The following UQCRC1 variants were observed in gnomAD, a reference collection of about 807,000 sequenced individuals.
UQCRC1 encodes ubiquinol-cytochrome c reductase core protein 1.
Under a neutral mutation model 58.0 loss-of-function variants are expected in UQCRC1, and 34 were observed. That is an observed-to-expected ratio of 0.59 (90% confidence interval 0.45 to 0.78). The LOEUF is 0.78. Ranked by LOEUF, UQCRC1 falls within the 30% of genes least tolerant of loss-of-function variation. The probability of loss-of-function intolerance (pLI) is 0.00; values close to 1 mark genes in which losing one functional copy is unlikely to be tolerated. For missense variants in UQCRC1, 610 were observed against 646.0 expected (o/e 0.94, Z 0.60); for synonymous variants, 276 against 248.8 (o/e 1.11, Z -1.03).
intron 6 of UQCRC1, among the ~76,000 whole-genome samples, 164 bp downstream of exon 6, chr3:48,603,400 A>G (rs191836583): frequency 2.6e-5 from 4 of 152,206 alleles, no homozygotes; most frequent in Admixed American, 2.6e-4. Context: ...GTAGAATCCT[A>G]TCCCACCTCA....
At chr3:48,607,829 C>CTT (rs111580530) in intron 2 of UQCRC1, among the ~76,000 whole-genome samples, 37 of 143,922 alleles carry the variant, frequency 2.6e-4, no homozygotes, top group African/African-American at 9.1e-4. Context: ...TAAGTAATTT[C>CTT]TTTTTTTTTT....
In UQCRC1 at chr3:48,604,681, T is replaced by C. The variant is rs759802581; in HGVS notation, c.397A>G (p.Ile133Val). ...YSTREHTAYY[I>V]KALSKDLPKA... ...GGCAGATCCTTGGACAGCGCCTTGATGTAGTAAGCTGTGTGCTCCCGGGTG... is the reference window on the plus strand; with the variant it reads ...GGCAGATCCTTGGACAGCGCCTTGACGTAGTAAGCTGTGTGCTCCCGGGTG... The change falls in exon 4 of 13, where the codon ATC becomes GTC. Residue 133 changes from isoleucine to valine, a missense_variant. Physicochemically the swap from Ile to Val is conservative, Grantham distance 29. Coordinates refer to ENST00000203407, the MANE Select transcript of UQCRC1 (RefSeq NM_003365.3). 2 of 1,614,184 alleles carry C rather than the reference T, an allele frequency of 1.2e-6. No individual in the cohort carries two copies. Among genetic ancestry groups the C allele is most frequent in the Admixed American group, 1.7e-5 (1 of 60,026 alleles).
rs1167638509 is a variant in UQCRC1, at chr3:48,604,709, G to A, written c.369C>T (p.Tyr123=). ...AGTAAGCTGTGTGCTCCCGGGTGCTGTAGGCATTAAGATGGGCCCCCATGC... is the reference window on the plus strand; with the variant it reads ...AGTAAGCTGTGTGCTCCCGGGTGCTATAGGCATTAAGATGGGCCCCCATGC... ...VESMGAHLNA[Y]STREHTAYYI... Residue 123 remains tyrosine (Y), a synonymous_variant, in exon 4 of 13, where the codon TAC becomes TAT. Coordinates refer to ENST00000203407, the MANE Select transcript of UQCRC1 (RefSeq NM_003365.3). The A allele has an allele frequency of 3.7e-6, 6 of 1,614,180 alleles. No homozygotes were observed. In the South Asian group the frequency reaches 5.5e-5, roughly 15 times the overall value.
chr3:48,604,502 G>A, intron 4 of UQCRC1, 71 bp from the exon 5 acceptor site: 1 of 1,591,310 alleles, frequency 6.3e-7, no homozygotes, highest in Non-Finnish European at 8.6e-7. Context: ...AAAATCCCCA[G>A]GCCTGGCATC....
chr3:48,599,570 G>T, intron 12 of UQCRC1, 65 bp downstream of exon 12: 1 of 1,564,990 alleles, frequency 6.4e-7, no homozygotes, highest in Non-Finnish European at 8.8e-7. Context: ...GAGCAGAGGT[G>T]GAAGGGGAGG....
chr3:48,599,477 C>T, intron 12 of UQCRC1, 158 bp downstream of exon 12: 1 of 814,004 alleles, frequency 1.2e-6, no homozygotes, highest in Non-Finnish European at 1.9e-6. Flanking sequence ...GTTTTCTGAG[C>T]AAGAACTCCC....
rs775201838 is a variant in UQCRC1 at position 48,604,747 on chromosome 3, TCTCCAGGGCA to T, written c.321_330del (p.Ser107ArgfsTer58). 1.2e-6 allele frequency: 2 copies of T among 1,613,994 alleles called. No homozygotes were observed. The highest frequency in any genetic ancestry group is 1.7e-6 in the Non-Finnish European group (2 of 1,179,962). ...TGGGCCCCCATGCTCTCCACCTCCTTCTCCAGGGCACTGCCAGGCCGATTCTTTGTTCCCT... is the reference window on the plus strand; with the variant it reads ...TGGGCCCCCATGCTCTCCACCTCCTTCTGCCAGGCCGATTCTTTGTTCCCT... On this transcript the variant is annotated frameshift_variant, in exon 4 of 13. Transcript: ENST00000203407. LOFTEE classifies it high-confidence loss of function.
intron 7 of UQCRC1, 72 bp from the exon 8 acceptor site, chr3:48,601,190 T>G: frequency 2.6e-6 from 4 of 1,555,614 alleles, no homozygotes; most frequent in Middle Eastern, 2.2e-4. Context: ...CAGGTGTGGG[T>G]AGAGGGTGTA....
intron 12 of UQCRC1, 30 bp downstream of exon 12, chr3:48,599,605 A>C: frequency 1.2e-6 from 2 of 1,612,232 alleles, no homozygotes; most frequent in Non-Finnish European, 1.7e-6. Context: ...TGAGGAAATA[A>C]ACAAAGAGCA....
At chr3:48,608,777 G>T (rs920667352) in intron 2 of UQCRC1, among the ~76,000 whole-genome samples, 1 of 152,124 alleles carries the variant, frequency 6.6e-6, no homozygotes, top group Non-Finnish European at 1.5e-5. Context: ...TTCTGGTCTA[G>T]CCTGGAGATT....
chr3:48,599,182 C>T lies in UQCRC1; in HGVS notation c.1389G>A (p.Glu463=), dbSNP rs1575511184. Reference sequence around the variant, plus strand: ...GGATCCGGTTGTAGTCTGGGAGCTGCTCAATGGGGCCTGTGGGGATAGGGT... The same window carrying T: ...GGATCCGGTTGTAGTCTGGGAGCTGTTCAATGGGGCCTGTGGGGATAGGGT... The part of the protein sequence containing the change: ...CPAVAGYGPI[E]QLPDYNRIRS... Residue 463 remains glutamate, a synonymous_variant, in exon 13 of 13, where the codon GAG becomes GAA. Coordinates refer to ENST00000203407, the MANE Select transcript of UQCRC1 (RefSeq NM_003365.3). 6.2e-7 allele frequency: 1 copy of T among 1,607,836 alleles called. No homozygotes were observed. Among genetic ancestry groups the T allele is most frequent in the Non-Finnish European group, 8.5e-7 (1 of 1,176,202 alleles).
At chr3:48,608,404 A>G (rs9830581) in intron 2 of UQCRC1, among the ~76,000 whole-genome samples, 11,472 of 152,274 alleles carry the variant, frequency 0.075, 704 homozygotes, top group African/African-American at 0.17. Context: ...TTTCTCTGGC[A>G]CTGGAGCACA....
Position 48,609,229 on chromosome 3 carries a change from G to A in UQCRC1, c.143C>T (p.Thr48Met). 1.2e-6 allele frequency: 2 copies of A among 1,613,076 alleles called. No homozygotes were observed. The highest frequency in any genetic ancestry group is 8.5e-7 in the Non-Finnish European group (1 of 1,179,826). Residue 48 changes from threonine to methionine, a missense_variant, in exon 2 of 13, where the codon ACG becomes ATG. By Grantham distance (81) the Thr-to-Met change is moderately conservative. Coordinates refer to ENST00000203407, the MANE Select transcript of UQCRC1 (RefSeq NM_003365.3). ...FAQALQFVPETQVSLLDNGLR... is the reference protein window; with the variant it reads ...FAQALQFVPEMQVSLLDNGLR... ...GCCGTTGTCCAGCAGGCTAACCTGC[G>A]TCTCCGGCACGAACTGGAGCGCCTG...
chr3:48,603,653 A>G lies in UQCRC1; in HGVS notation c.627-10T>C, dbSNP rs1418947915. 6 of 1,613,294 alleles carry G rather than the reference A, an allele frequency of 3.7e-6. No homozygotes were observed. Among genetic ancestry groups the G allele is most frequent in the South Asian group, 3.3e-5 (3 of 90,890 alleles). On this transcript the variant is annotated splice_polypyrimidine_tract_variant and intron_variant, in intron 5 of 12. Transcript: ENST00000203407. Reference sequence around the variant, plus strand: ...TGCACGAGACAGCTTCCTACAAGACATATGGTCAGTGTGTCAACACCTCTA... The same window carrying G: ...TGCACGAGACAGCTTCCTACAAGACGTATGGTCAGTGTGTCAACACCTCTA...
intron 5 of UQCRC1, chr3:48,604,009 G>C (rs961599779): frequency 1.2e-5 from 7 of 605,656 alleles, no homozygotes; most frequent in African/African-American, 1.1e-4. Flanking sequence ...TGGACTGTCA[G>C]GACATGCACC....
Position 48,600,755 on chromosome 3 carries a change from G to C in UQCRC1, c.1052C>G (p.Thr351Arg), listed in dbSNP as rs775391935. Residue 351 changes from threonine (T) to arginine (R), a missense_variant, in exon 9 of 13, where the codon ACG (threonine) becomes AGG (arginine). Transcript: ENST00000203407. The part of the protein sequence containing the change: ...FQTFSICYAE[T>R]GLLGAHFVCD... ...GACAAAGTGTGCACCCAGCAAGCCC[G>C]TCTCTGCATAGCAGATGCTGAAGGT... 3 of 1,614,036 alleles carry C rather than the reference G, an allele frequency of 1.9e-6. No homozygotes were observed. Among genetic ancestry groups the C allele is most frequent in the African/African-American group, 2.7e-5 (2 of 74,928 alleles).
rs2046365129 is a variant in UQCRC1, at chr3:48,601,473, GAGAC to G, written c.707-10_707-7del. 2 of 1,613,108 alleles carry G rather than the reference GAGAC, an allele frequency of 1.2e-6. No homozygotes were observed. Among genetic ancestry groups the G allele is most frequent in the Middle Eastern group, 1.6e-4 (1 of 6,080 alleles). On this transcript the variant is annotated splice_region_variant and splice_polypyrimidine_tract_variant and intron_variant, in intron 6 of 12. Transcript: ENST00000203407. ...CAGTTGCTGGTGCTCCACTCCTGCT[GAGAC>G]AGACAGTGGCATTACTGACCAGCCA...
rs2046348166 is a variant in UQCRC1 at position 48,599,959 on chromosome 3, G to A, written c.1302+104C>T. Reference sequence around the variant, plus strand: ...AGGTGACAGCTGCCTAGGACACCAGGGATGCCTATAGGAGCAGGCTGCGCT... The same window carrying A: ...AGGTGACAGCTGCCTAGGACACCAGAGATGCCTATAGGAGCAGGCTGCGCT... On this transcript the variant is annotated intron_variant, in intron 11 of 12. Coordinates refer to ENST00000203407, the MANE Select transcript of UQCRC1 (RefSeq NM_003365.3). 4.3e-6 allele frequency: 6 copies of A among 1,403,494 alleles called. No homozygotes were observed. The Admixed American group carries it at 9.2e-5, about 21-fold the overall frequency. The allele number at this position is 1,403,494 out of a possible 1,614,324, so 86.9% of individuals were successfully genotyped here. A position where few individuals can be genotyped will look rare whatever the true frequency, so the allele number is the denominator to read the frequency against.
intron 11 of UQCRC1, 34 bp downstream of exon 11, chr3:48,600,029 A>C (rs1411216424): frequency 1.4e-5 from 23 of 1,613,400 alleles, no homozygotes; most frequent in Non-Finnish European, 1.9e-5. Context: ...TGCCAGGCCA[A>C]GACTCCAGAA....
Sources: gnomAD v4.1 joint callset for allele counts (sites outside exome capture counted in the v4.1 genomes callset) on GRCh38, gnomAD v4.1.1 for gene constraint, MANE v1.5 for transcripts, NCBI Gene and HGNC (gene_info 2026-07-23, HGNC 2026-07-21) for gene names.